The following LRMDA variants were observed in gnomAD, a reference collection of about 807,000 sequenced individuals.
LRMDA encodes the protein leucine-rich melanocyte differentiation-associated protein.
LRMDA carries 18 observed loss-of-function variants against 29.8 expected under a neutral mutation model. That is an observed-to-expected ratio of 0.60 (90% confidence interval 0.42 to 0.90). LRMDA has a LOEUF of 0.90. Among genes scored for constraint, LRMDA ranks in the 40% least tolerant of loss-of-function variants. The pLI, the probability that LRMDA is intolerant of heterozygous loss-of-function variation, is 0.00. For missense variants in LRMDA, 273 were observed against 273.9 expected, an observed-to-expected ratio of 1.00 and a Z score of 0.02; for synonymous variants, 125 against 109.4, an observed-to-expected ratio of 1.14 and a Z score of -0.89.
intron 2 of LRMDA, among the ~76,000 whole-genome samples, chr10:75,607,824 GT>G (rs5786180): frequency 0.079 from 5,692 of 72,360 alleles, 179 homozygotes; most frequent in East Asian, 0.26. Flanking sequence ...TGATTCAGTG[GT>G]TTTTTTTTTT....
At chr10:76,055,099 A>G (rs866889319) in intron 4 of LRMDA, among the ~76,000 whole-genome samples, 1 of 149,958 alleles carries the variant, frequency 6.7e-6, no homozygotes, top group Admixed American at 6.6e-5. Flanking sequence ...AAAAAAGAAA[A>G]AGAAAAGAAA....
At chr10:75,934,412 G>A (rs958176624) in intron 2 of LRMDA, among the ~76,000 whole-genome samples, 1 of 152,160 alleles carries the variant, frequency 6.6e-6, no homozygotes, top group African/African-American at 2.4e-5. Context: ...GCCAGGAGAG[G>A]TATGGGCCAG....
intron 5 of LRMDA, among the ~76,000 whole-genome samples, chr10:76,265,534 C>T (rs893262378): frequency 2.6e-5 from 4 of 152,182 alleles, no homozygotes; most frequent in African/African-American, 9.7e-5. Context: ...GGGAAGTGCT[C>T]CTCACTTTCC....
At chr10:75,980,919 G>C (rs1040431978) in intron 2 of LRMDA, among the ~76,000 whole-genome samples, 1 of 152,116 alleles carries the variant, frequency 6.6e-6, no homozygotes, top group Admixed American at 6.5e-5. Flanking sequence ...CTTTGGTAAC[G>C]TGTGTGCGTC....
In LRMDA at chr10:76,070,070, C is replaced by A. The variant is rs549978442; in HGVS notation, c.516+11287C>A. 7.9e-5 allele frequency among the ~76,000 whole-genome samples: 12 copies of A among 152,296 alleles called. 1 individual carries two copies. In the South Asian group the frequency reaches 2.5e-3, roughly 32 times the overall value. ...CCTTATTAAAATGGGGAATGTAATGCCTTCCAAGTCTGTTGGGGGATTAAA... is the reference window on the plus strand; with the variant it reads ...CCTTATTAAAATGGGGAATGTAATGACTTCCAAGTCTGTTGGGGGATTAAA... On this transcript the variant is annotated intron_variant, in intron 5 of 6. Transcript: ENST00000611255.
At chr10:75,537,729 G>A (rs1839966660) in intron 2 of LRMDA, among the ~76,000 whole-genome samples, 1 of 152,154 alleles carries the variant, frequency 6.6e-6, no homozygotes, top group Admixed American at 6.5e-5. Flanking sequence ...AGTACCTCTT[G>A]GGTCCAGGGA....
At chr10:75,433,058 CG>C (rs1844220688) in intron 1 of LRMDA, among the ~76,000 whole-genome samples, 1 of 152,004 alleles carries the variant, frequency 6.6e-6, no homozygotes, top group Admixed American at 6.5e-5. Flanking sequence ...CTAAAAATGA[CG>C]GGTCTTGTTC....
chr10:76,499,289 A>G (rs1842896026), intron 6 of LRMDA, among the ~76,000 whole-genome samples: 1 of 73,848 alleles, frequency 1.4e-5, no homozygotes, highest in African/African-American at 3.3e-5. Context: ...GTACTAATCT[A>G]CTTTCTCTAT....
intron 2 of LRMDA, among the ~76,000 whole-genome samples, chr10:76,033,780 C>T (rs1409081611): frequency 6.6e-6 from 1 of 152,034 alleles, no homozygotes; most frequent in African/African-American, 2.4e-5. Flanking sequence ...CGGGCCCAGT[C>T]CTGAGAAGCC....
At chr10:75,752,012 T>A (rs1223645905) in intron 2 of LRMDA, among the ~76,000 whole-genome samples, 1 of 151,400 alleles carries the variant, frequency 6.6e-6, no homozygotes, top group East Asian at 1.9e-4. Flanking sequence ...CACTTTAATA[T>A]CTTCCTACTG....
intron 5 of LRMDA, among the ~76,000 whole-genome samples, chr10:76,210,341 A>T (rs1341370326): frequency 6.6e-6 from 1 of 152,190 alleles, no homozygotes; most frequent in Non-Finnish European, 1.5e-5. Flanking sequence ...GTAGGAATGG[A>T]ATGCAAAGTA....
intron 2 of LRMDA, among the ~76,000 whole-genome samples, chr10:75,981,832 C>T (rs1026843515): frequency 4.1e-5 from 5 of 123,306 alleles, no homozygotes; most frequent in Admixed American, 9.5e-5. Context: ...GGCCTGGCGA[C>T]AGAGCAAGAC....
intron 5 of LRMDA, among the ~76,000 whole-genome samples, chr10:76,321,291 C>T (rs10762710): frequency 0.22 from 34,209 of 152,096 alleles, 4,507 homozygotes; most frequent in East Asian, 0.44. Context: ...ACATTCCCAC[C>T]AGCAAGGAAT....
chr10:75,997,129 A>C (rs1292758059), intron 2 of LRMDA, among the ~76,000 whole-genome samples: 1 of 152,192 alleles, frequency 6.6e-6, no homozygotes, highest in Non-Finnish European at 1.5e-5. Flanking sequence ...GAAGGAAATT[A>C]AGGTTGCCTG....
intron 6 of LRMDA, among the ~76,000 whole-genome samples, chr10:76,481,098 T>G (rs1162335275): frequency 2.0e-5 from 3 of 151,966 alleles, no homozygotes; most frequent in Non-Finnish European, 4.4e-5. Context: ...TGGTCAATTT[T>G]ATAAATTAAT....
intron 6 of LRMDA, among the ~76,000 whole-genome samples, chr10:76,547,994 G>A (rs1843442388): frequency 6.6e-6 from 1 of 152,144 alleles, no homozygotes; most frequent in African/African-American, 2.4e-5. Context: ...GCTAAGTAAG[G>A]GTGTGGGTGA....
intron 2 of LRMDA, among the ~76,000 whole-genome samples, chr10:76,010,663 A>G (rs577840582): frequency 6.6e-6 from 1 of 152,300 alleles, no homozygotes; most frequent in African/African-American, 2.4e-5. Flanking sequence ...CATTCTCTGC[A>G]GTTTCTTTAC....
chr10:76,012,784 T>C (rs565397446), intron 2 of LRMDA, among the ~76,000 whole-genome samples: 3 of 152,322 alleles, frequency 2.0e-5, no homozygotes, highest in Non-Finnish European at 1.5e-5. Context: ...TCCTGCATAA[T>C]TGGACTGTCT....
chr10:75,590,082 C>T (rs1840704387), intron 2 of LRMDA, among the ~76,000 whole-genome samples: 1 of 149,882 alleles, frequency 6.7e-6, no homozygotes, highest in South Asian at 2.1e-4. Flanking sequence ...TGCAGTGGTA[C>T]AATCAGGGCT....
Sources: gnomAD v4.1 joint callset for allele counts (sites outside exome capture counted in the v4.1 genomes callset) on GRCh38, gnomAD v4.1.1 for gene constraint, MANE v1.5 for transcripts, NCBI Gene and HGNC (gene_info 2026-07-23, HGNC 2026-07-21) for gene names.